Variants in NFX1 observed in about 807,000 individuals in gnomAD.
NFX1 encodes transcriptional repressor NF-X1.
In NFX1, 69 loss-of-function variants were observed where a neutral mutation model predicts 137.2. The observed-to-expected ratio is 0.50, with a 90% confidence interval of 0.41 to 0.61. The LOEUF (loss-of-function observed/expected upper bound fraction) is 0.61, where lower values mean the gene tolerates loss of function less well. Among genes scored for constraint, NFX1 ranks in the 20% least tolerant of loss-of-function variants. The probability of loss-of-function intolerance (pLI) is 0.00; values close to 1 mark genes in which losing one functional copy is unlikely to be tolerated. For missense variants in NFX1, 1,167 were observed against 1,391.0 expected, an observed-to-expected ratio of 0.84 and a Z score of 2.56; for synonymous variants, 495 against 474.1, an observed-to-expected ratio of 1.04 and a Z score of -0.57.
At chr9:33,318,432 G>A (rs909846258) in intron 7 of NFX1, among the ~76,000 whole-genome samples, 28 of 152,212 alleles carry the variant, frequency 1.8e-4, no homozygotes, top group African/African-American at 6.5e-4. Flanking sequence ...TAATTTAGAG[G>A]TTGCTTCACT....
intron 9 of NFX1, among the ~76,000 whole-genome samples, chr9:33,325,801 C>A (rs1822563328): frequency 6.6e-6 from 1 of 152,162 alleles, no homozygotes; most frequent in Non-Finnish European, 1.5e-5. Flanking sequence ...AAAAGAAATT[C>A]TTCAGGCTAT....
At chr9:33,329,226 C>T (rs1191439705) in intron 10 of NFX1, among the ~76,000 whole-genome samples, 1 of 152,208 alleles carries the variant, frequency 6.6e-6, no homozygotes, top group African/African-American at 2.4e-5. Context: ...ACTCTCTCCG[C>T]TTCAGTGTGT....
rs1821289251 is a variant in NFX1 at position 33,294,774 on chromosome 9, A to G, written c.380A>G (p.Gln127Arg). ...RVKKAQSLAE[Q>R]TSDTAGLESS... Reference sequence around the variant, plus strand: ...AAGAAAGCACAGAGTCTTGCTGAGCAGACCTCAGATACAGCTGGATTAGAG... The same window carrying G: ...AAGAAAGCACAGAGTCTTGCTGAGCGGACCTCAGATACAGCTGGATTAGAG... Residue 127 changes from glutamine to arginine, a missense_variant, in exon 2 of 24, where the codon CAG becomes CGG. By Grantham distance (43) the Gln-to-Arg change is conservative. Coordinates refer to ENST00000379540, the MANE Select transcript of NFX1 (RefSeq NM_002504.6). 1.2e-6 allele frequency: 2 copies of G among 1,614,152 alleles called. No homozygotes were observed. Among genetic ancestry groups the G allele is most frequent in the East Asian group, 4.5e-5 (2 of 44,892 alleles).
chr9:33,307,165 C>T, intron 4 of NFX1, 29 bp from the exon 5 acceptor site: 2 of 1,571,864 alleles, frequency 1.3e-6, no homozygotes, highest in Non-Finnish European at 1.7e-6. Context: ...AAGTTTGTAC[C>T]ATTGACTCTC....
In NFX1 at chr9:33,351,642, A is replaced by G. The variant is rs1180130502; in HGVS notation, c.2507A>G (p.Lys836Arg). The G allele has an allele frequency of 6.8e-6, 11 of 1,614,074 alleles. No homozygotes were observed. Among genetic ancestry groups the G allele is most frequent in the Admixed American group, 1.7e-5 (1 of 60,016 alleles). Residue 836 changes from lysine (K) to arginine (R), a missense_variant, in exon 16 of 24, where the codon AAA becomes AGA. Lys to Arg is a conservative substitution (Grantham distance 26). Transcript: ENST00000379540. Reference protein sequence around the residue: ...CSATLPCGMHKCQRLCHKGEC... With the variant: ...CSATLPCGMHRCQRLCHKGEC... ...GCCACGCTACCATGTGGGATGCACAAATGTCAGAGACTCTGTCACAAAGGG... is the reference window on the plus strand; with the variant it reads ...GCCACGCTACCATGTGGGATGCACAGATGTCAGAGACTCTGTCACAAAGGG...
intron 10 of NFX1, 66 bp from the exon 11 acceptor site, chr9:33,332,406 T>A (rs536766440): frequency 7.0e-7 from 1 of 1,425,570 alleles, no homozygotes; most frequent in Admixed American, 1.8e-5. Flanking sequence ...CCTATGGCAT[T>A]ATATTATAGT....
Position 33,294,758 on chromosome 9 carries a change from CAG to C in NFX1, c.367_368del (p.Leu124CysfsTer2). On this transcript the variant is annotated frameshift_variant, in exon 2 of 24. Coordinates refer to ENST00000379540, the MANE Select transcript of NFX1 (RefSeq NM_002504.6). LOFTEE classifies it high-confidence loss of function. The part of the protein sequence containing the change: ...EKHHIRVKKA[Q>X]SLAEQTSDTA... ...GCACCATATCAGAGTCAAGAAAGCA[CAG>C]AGTCTTGCTGAGCAGACCTCAGATA... 6.2e-7 allele frequency: 1 copy of C among 1,614,076 alleles called. No homozygotes were observed. Among genetic ancestry groups the C allele is most frequent in the Non-Finnish European group, 8.5e-7 (1 of 1,180,032 alleles).
At chr9:33,335,362 C>G (rs769713950) in intron 11 of NFX1, among the ~76,000 whole-genome samples, 7 of 151,342 alleles carry the variant, frequency 4.6e-5, no homozygotes, top group Non-Finnish European at 8.8e-5. Context: ...TCCTGAGTAG[C>G]TGGAATTACA....
chr9:33,356,173 G>A (rs1457609561), intron 19 of NFX1, among the ~76,000 whole-genome samples: 1 of 152,134 alleles, frequency 6.6e-6, no homozygotes, highest in Non-Finnish European at 1.5e-5. Flanking sequence ...TAGCCATTTT[G>A]TAGATGTGTA....
chr9:33,365,076 T>C (rs1824130838), intron 21 of NFX1: 4 of 856,840 alleles, frequency 4.7e-6, no homozygotes, highest in Admixed American at 4.6e-5. Context: ...GAGTTCTAGA[T>C]CAGCTTGGCC....
chr9:33,346,813 G>A (rs931337929), intron 14 of NFX1, among the ~76,000 whole-genome samples: 1 of 152,150 alleles, frequency 6.6e-6, no homozygotes, highest in African/African-American at 2.4e-5. Flanking sequence ...TTCTGTTTTG[G>A]CATGTCTCTT....
intron 13 of NFX1, 24 bp downstream of exon 13, chr9:33,342,878 T>G (rs1281147171): frequency 6.7e-7 from 1 of 1,486,652 alleles, no homozygotes; most frequent in Admixed American, 1.9e-5. Flanking sequence ...CTGTATAGTT[T>G]ATTAGAAGAG....
chr9:33,367,458 G>A, intron 22 of NFX1, 57 bp from the exon 23 acceptor site: 2 of 1,564,572 alleles, frequency 1.3e-6, no homozygotes, highest in South Asian at 1.1e-5. Flanking sequence ...CTAGCTTTCT[G>A]TCCATCTCCA....
At chr9:33,352,622 C>A in intron 16 of NFX1, 24 bp from the exon 17 acceptor site, 1 of 1,604,128 alleles carries the variant, frequency 6.2e-7, no homozygotes, top group Non-Finnish European at 8.5e-7. Context: ...TGCTAAAAGT[C>A]GTTCCATGTT....
chr9:33,326,627 G>A (rs892526990), intron 9 of NFX1, among the ~76,000 whole-genome samples: 2 of 151,838 alleles, frequency 1.3e-5, no homozygotes, highest in African/African-American at 2.4e-5. Context: ...GGCTAAAGTG[G>A]GGGATCACTT....
At chr9:33,313,817 G>C in intron 7 of NFX1, 24 bp downstream of exon 7, 3 of 1,604,084 alleles carry the variant, frequency 1.9e-6, no homozygotes, top group Non-Finnish European at 2.6e-6. Flanking sequence ...ACACCAGCTA[G>C]CAATGCTTGT....
intron 4 of NFX1, among the ~76,000 whole-genome samples, chr9:33,306,944 G>A (rs1047937139): frequency 5.3e-5 from 8 of 152,072 alleles, no homozygotes; most frequent in African/African-American, 1.4e-4. Context: ...TAGTATTTTC[G>A]TAAGTAAAAG....
At chr9:33,369,104 C>T (rs1477109167) in intron 23 of NFX1, among the ~76,000 whole-genome samples, 4 of 151,880 alleles carry the variant, frequency 2.6e-5, no homozygotes, top group Admixed American at 1.3e-4. Context: ...CTCGCTCTGC[C>T]GCCCAGGCTG....
At chr9:33,361,514 C>T (rs1270615312) in intron 19 of NFX1, among the ~76,000 whole-genome samples, 2 of 151,934 alleles carry the variant, frequency 1.3e-5, no homozygotes, top group Non-Finnish European at 2.9e-5. Context: ...GGCTCACACC[C>T]GTAATCCCAG....
Sources: gnomAD v4.1 joint callset for allele counts (sites outside exome capture counted in the v4.1 genomes callset) on GRCh38, gnomAD v4.1.1 for gene constraint, MANE v1.5 for transcripts, NCBI Gene and HGNC (gene_info 2026-07-23, HGNC 2026-07-21) for gene names.